The following SLC66A2 variants were observed in gnomAD, a reference collection of about 807,000 sequenced individuals.
SLC66A2 encodes the protein PQ loop repeat containing 1.
Under a neutral mutation model 25.5 loss-of-function variants are expected in SLC66A2, and 23 were observed. That is an observed-to-expected ratio of 0.90 (90% CI 0.65 to 1.28). The LOEUF (loss-of-function observed/expected upper bound fraction) is 1.28, where lower values mean the gene tolerates loss of function less well. Among genes scored for constraint, SLC66A2 ranks in the 50% most tolerant of loss-of-function variants. The probability of loss-of-function intolerance (pLI) is 0.00; values close to 1 mark genes in which losing one functional copy is unlikely to be tolerated. For synonymous variants in SLC66A2, 193 were observed against 166.5 expected (o/e 1.16, Z -1.23); for missense variants, 396 against 373.1 (o/e 1.06, Z -0.51).
At chr18:79,949,895 T>C (rs2051060474) in intron 2 of SLC66A2, 1 of 152,294 alleles carries the variant, frequency 6.6e-6, no homozygotes, top group African/African-American at 2.4e-5. Flanking sequence ...AGAATGCAGC[T>C]GTGAGACCTC....
Position 79,916,381 on chromosome 18 carries a change from A to G in SLC66A2, c.608+2803T>C, listed in dbSNP as rs903877710. ...GTTGGGGTGCTTTAGGCCTCAGAAA[A>G]CAGAATCTCTCTGACCTTTTGCCCT... is the stretch of plus-strand genomic sequence containing the variant. On this transcript the variant is annotated intron_variant, in intron 5 of 5. Transcript: ENST00000397778. Among the ~76,000 whole-genome samples, 4 of 151,802 alleles carry G rather than the reference A, an allele frequency of 2.6e-5. No homozygotes were observed. In the East Asian group the frequency reaches 7.8e-4, roughly 30 times the overall value.
intron 5 of SLC66A2, among the ~76,000 whole-genome samples, chr18:79,912,240 A>C (rs1183948952): frequency 6.9e-6 from 1 of 145,508 alleles, no homozygotes; most frequent in African/African-American, 2.5e-5. Context: ...CCAACCGGCG[A>C]TTCCACCCCC....
At chr18:79,938,801 T>C (rs904780765) in intron 3 of SLC66A2, among the ~76,000 whole-genome samples, 10 of 152,204 alleles carry the variant, frequency 6.6e-5, no homozygotes, top group Non-Finnish European at 1.2e-4. Flanking sequence ...CTCAGCCTTC[T>C]GAGTAGCTGG....
chr18:79,904,265 A>G lies in SLC66A2; in HGVS notation c.609-82T>C. On this transcript the variant is annotated intron_variant, in intron 5 of 5. Transcript: ENST00000397778. This position sits in a 1 kb window ranked among gnomAD's most constrained non-coding sequence, Gnocchi z 6.3. Reference sequence around the variant, plus strand: ...CAGTGGGGAGGCCTGGGGCTTAGACAGCGGGGAGACCTGGGGCTCAGGGGC... The same window carrying G: ...CAGTGGGGAGGCCTGGGGCTTAGACGGCGGGGAGACCTGGGGCTCAGGGGC... 1.5e-6 allele frequency: 2 copies of G among 1,299,328 alleles called. No homozygotes were observed. The highest frequency in any genetic ancestry group is 2.2e-6 in the Non-Finnish European group (2 of 910,464). 80.5% of individuals were successfully genotyped at this position (1,299,328 alleles called of 1,614,324 possible). A position where few individuals can be genotyped will look rare whatever the true frequency, so the allele number is the denominator to read the frequency against.
At chr18:79,947,978 C>A (rs1315909540) in intron 2 of SLC66A2, among the ~76,000 whole-genome samples, 3 of 152,066 alleles carry the variant, frequency 2.0e-5, no homozygotes, top group Admixed American at 1.3e-4. Context: ...GGCGCATCCT[C>A]AGGCTGGAGG....
At chr18:79,911,900 G>A (rs1983212428) in intron 5 of SLC66A2, among the ~76,000 whole-genome samples, 1 of 131,310 alleles carries the variant, frequency 7.6e-6, no homozygotes, top group African/African-American at 3.0e-5. Context: ...GAGCAGGAAG[G>A]GGACAGGAGT....
intron 2 of SLC66A2, among the ~76,000 whole-genome samples, chr18:79,947,111 G>A (rs1284300875): frequency 1.3e-5 from 2 of 152,158 alleles, no homozygotes; most frequent in Non-Finnish European, 2.9e-5. Flanking sequence ...CTCCAGCCTG[G>A]GTGCTACTGT....
rs1381738221 is a variant in SLC66A2, at chr18:79,950,967, C to CCCGCGGG, written c.-48_-42dup. The CCCGCGGG allele has an allele frequency of 9.8e-6, 14 of 1,432,704 alleles. No homozygotes were observed. Among genetic ancestry groups the CCCGCGGG allele is most frequent in the African/African-American group, 1.5e-5 (1 of 66,924 alleles). The allele number at this position is 1,432,704 out of a possible 1,614,324, so 88.7% of individuals were successfully genotyped here. Reference sequence around the variant, plus strand: ...GCCGAGGCTGTCACGGGCTCCGCGCCCCGCGGGCCACCGGCCGCCTGCTCA... The same window carrying CCCGCGGG: ...GCCGAGGCTGTCACGGGCTCCGCGCCCCGCGGGCCGCGGGCCACCGGCCGCCTGCTCA... On this transcript the variant is annotated 5_prime_UTR_variant, in exon 2 of 6. An upstream open reading frame in the 5' UTR loses its in-frame stop. Coordinates refer to ENST00000397778, the MANE Select transcript of SLC66A2 (RefSeq NM_025078.5).
At position 79,917,900 on chromosome 18, in the gene SLC66A2, C is replaced by T. The variant is rs1473109536; in HGVS notation, c.608+1284G>A. 6.6e-6 allele frequency among the ~76,000 whole-genome samples: 1 copy of T among 151,950 alleles called. No individual in the cohort carries two copies. The highest frequency in any genetic ancestry group is 2.4e-5 in the African/African-American group (1 of 41,350). On this transcript the variant is annotated intron_variant, in intron 5 of 5. Coordinates refer to ENST00000397778, the MANE Select transcript of SLC66A2 (RefSeq NM_025078.5). The surrounding 1 kb of genome is among the most constrained non-coding windows in gnomAD (Gnocchi z 6.0). The stretch of plus-strand genomic sequence containing the variant: ...CACCCCACACCTGACCCATGCCCCA[C>T]ACCTCTACCTACAGCCCACACCGGA...
At chr18:79,938,825 C>T (rs778518052) in intron 3 of SLC66A2, among the ~76,000 whole-genome samples, 2 of 152,102 alleles carry the variant, frequency 1.3e-5, no homozygotes, top group Non-Finnish European at 2.9e-5. Flanking sequence ...TACAGGCATG[C>T]GCCACCACGC....
At chr18:79,905,123 C>G (rs542504730) in intron 5 of SLC66A2, among the ~76,000 whole-genome samples, 41 of 152,368 alleles carry the variant, frequency 2.7e-4, no homozygotes, top group African/African-American at 8.9e-4. Flanking sequence ...TCCTCTCTCC[C>G]AAGCCCACAG....
intron 2 of SLC66A2, among the ~76,000 whole-genome samples, chr18:79,949,183 G>A (rs1158786600): frequency 6.6e-6 from 1 of 152,136 alleles, no homozygotes; most frequent in Admixed American, 6.5e-5. Context: ...TCCCTGGCAG[G>A]GGCAAAACTA....
intron 4 of SLC66A2, among the ~76,000 whole-genome samples, chr18:79,926,388 C>T (rs548760247): frequency 6.6e-6 from 1 of 152,294 alleles, no homozygotes; most frequent in African/African-American, 2.4e-5. Flanking sequence ...TGCCAGAGAG[C>T]TTCCTGTTGG....
At chr18:79,929,986 T>C (rs1986397690) in intron 4 of SLC66A2, among the ~76,000 whole-genome samples, 1 of 151,994 alleles carries the variant, frequency 6.6e-6, no homozygotes, top group Non-Finnish European at 1.5e-5. Flanking sequence ...CACCGGCACA[T>C]GCAGAATGGG....
At chr18:79,911,898 A>G (rs1599504183) in intron 5 of SLC66A2, among the ~76,000 whole-genome samples, 1 of 66,140 alleles carries the variant, frequency 1.5e-5, no homozygotes, top group African/African-American at 6.1e-5. Flanking sequence ...AGGAGCAGGA[A>G]GGGGACAGGA....
rs1408999699 is a variant in SLC66A2 at position 79,917,932 on chromosome 18, T to C, written c.608+1252A>G. Among the ~76,000 whole-genome samples the C allele has an allele frequency of 6.7e-6, 1 of 150,234 alleles. No homozygotes were observed. The highest frequency in any genetic ancestry group is 1.5e-5 in the Non-Finnish European group (1 of 67,534). Reference sequence around the variant, plus strand: ...ACCTACAGCCCACACCGGAACTCCATACCCCACACCCCAGCCCACACCTAC... The same window carrying C: ...ACCTACAGCCCACACCGGAACTCCACACCCCACACCCCAGCCCACACCTAC... On this transcript the variant is annotated intron_variant, in intron 5 of 5. Coordinates refer to ENST00000397778, the MANE Select transcript of SLC66A2 (RefSeq NM_025078.5). The surrounding 1 kb of genome is among the most constrained non-coding windows in gnomAD (Gnocchi z 6.0).
At chr18:79,907,334 GTTTTTTTTTTTTTTGGTTGT>G (rs975310059) in intron 5 of SLC66A2, among the ~76,000 whole-genome samples, 12 of 116,902 alleles carry the variant, frequency 1.0e-4, no homozygotes, top group East Asian at 7.7e-4. Context: ...TCTTTGTATA[GTTTTTTTTTTTTTTGGTTGT>G]TTTTTTTTTT....
chr18:79,934,973 C>T (rs995522829), intron 3 of SLC66A2, among the ~76,000 whole-genome samples: 4 of 152,166 alleles, frequency 2.6e-5, no homozygotes, highest in Admixed American at 2.6e-4. Context: ...GTTTTATAAA[C>T]CAATGCAGCA....
intron 5 of SLC66A2, among the ~76,000 whole-genome samples, chr18:79,908,880 G>C (rs1982520136): frequency 6.6e-6 from 1 of 152,066 alleles, no homozygotes; most frequent in Non-Finnish European, 1.5e-5. Flanking sequence ...GAGATGTTCG[G>C]TCTTCCCGTT....
Sources: gnomAD v4.1 joint callset for allele counts (sites outside exome capture counted in the v4.1 genomes callset) on GRCh38, gnomAD v4.1.1 for gene constraint, Gnocchi (gnomAD v3.1) non-coding constraint, MANE v1.5 for transcripts, NCBI Gene and HGNC (gene_info 2026-07-23, HGNC 2026-07-21) for gene names.